Variants in GRIK2 observed in about 807,000 individuals in gnomAD.
GRIK2 encodes the protein glutamate receptor ionotropic, kainate 2.
A neutral mutation model predicts 100.3 loss-of-function variants in GRIK2; 32 were observed. That is an observed-to-expected ratio of 0.32 (90% CI 0.24 to 0.43). The LOEUF (loss-of-function observed/expected upper bound fraction) is 0.43, where lower values mean the gene tolerates loss of function less well. Among genes scored for constraint, GRIK2 ranks in the 20% least tolerant of loss-of-function variants. GRIK2 has a pLI of 1.00. For synonymous variants in GRIK2, 417 were observed against 389.4 expected (o/e 1.07, Z -0.83); for missense variants, 843 against 1,114.9 (o/e 0.76, Z 3.47).
At chr6:102,044,088 AT>A (rs1432596596) in intron 15 of GRIK2, among the ~76,000 whole-genome samples, 5 of 152,020 alleles carry the variant, frequency 3.3e-5, no homozygotes, top group Admixed American at 2.6e-4. Context: ...AAAGACCTTA[AT>A]TTTATAGAAG....
intron 2 of GRIK2, among the ~76,000 whole-genome samples, chr6:101,540,276 G>A (rs1162844599): frequency 6.6e-6 from 1 of 151,744 alleles, no homozygotes; most frequent in Non-Finnish European, 1.5e-5. Flanking sequence ...GTAGGACATG[G>A]CAAAGAACAT....
Position 102,044,384 on chromosome 6 carries a change from C to A in GRIK2, c.2311+8818C>A, listed in dbSNP as rs569439778. Among the ~76,000 whole-genome samples, 6 of 152,110 alleles carry A rather than the reference C, an allele frequency of 3.9e-5. No homozygotes were observed. The South Asian group carries it at 8.3e-4, about 21-fold the overall frequency. On this transcript the variant is annotated intron_variant, in intron 15 of 16. Transcript: ENST00000369134. ...TAAGATTCCTGTATTAGTCTGTTTT[C>A]ATGCTGCTGATAAAGACATACCCAA...
At chr6:102,044,094 T>C (rs1036772585) in intron 15 of GRIK2, among the ~76,000 whole-genome samples, 2 of 151,970 alleles carry the variant, frequency 1.3e-5, no homozygotes, top group Non-Finnish European at 2.9e-5. Context: ...CTTAATTTTA[T>C]AGAAGTATAA....
chr6:101,505,790 A>C (rs554497551), intron 2 of GRIK2, among the ~76,000 whole-genome samples: 187 of 151,942 alleles, frequency 1.2e-3, no homozygotes, highest in Non-Finnish European at 2.2e-3. Context: ...AAAAAAAAAA[A>C]AACTAGAAAT....
intron 14 of GRIK2, among the ~76,000 whole-genome samples, chr6:101,942,550 G>A (rs1582583897): frequency 1.3e-5 from 2 of 152,172 alleles, no homozygotes; most frequent in East Asian, 1.9e-4. Flanking sequence ...CGTCTGAGAC[G>A]GAGATGATGA....
intron 10 of GRIK2, among the ~76,000 whole-genome samples, chr6:101,844,816 C>G (rs9498727): frequency 0.19 from 29,377 of 151,820 alleles, 4,648 homozygotes; most frequent in East Asian, 0.66. Context: ...TTTGTATTTT[C>G]TCTTTTATTT....
At chr6:101,552,597 A>G (rs1211114809) in intron 2 of GRIK2, among the ~76,000 whole-genome samples, 1 of 152,192 alleles carries the variant, frequency 6.6e-6, no homozygotes, top group African/African-American at 2.4e-5. Context: ...ATGGCATTAT[A>G]TATGGGTGGG....
At chr6:101,795,396 TTCAGTCCTGAGGCCCAGTGGTGTTA>T (rs1780227038) in intron 7 of GRIK2, among the ~76,000 whole-genome samples, 1 of 152,142 alleles carries the variant, frequency 6.6e-6, no homozygotes, top group Non-Finnish European at 1.5e-5. Flanking sequence ...TGCCAGGTAG[TTCAGTCCTGAGGCCCAGTGGTGTTA>T]TCAGTGGGCT....
chr6:101,907,375 C>A (rs1295462391), intron 12 of GRIK2, among the ~76,000 whole-genome samples: 2 of 81,968 alleles, frequency 2.4e-5, no homozygotes, highest in East Asian at 7.2e-4. Context: ...GTTCTAGGCC[C>A]CTGTCTGATT....
intron 2 of GRIK2, among the ~76,000 whole-genome samples, chr6:101,500,675 A>G (rs898195988): frequency 1.3e-5 from 2 of 152,094 alleles, no homozygotes; most frequent in Non-Finnish European, 2.9e-5. Flanking sequence ...GAAAGTACAT[A>G]CTATAAAAGC....
intron 7 of GRIK2, among the ~76,000 whole-genome samples, chr6:101,724,972 T>C (rs1774757413): frequency 6.6e-6 from 1 of 152,050 alleles, no homozygotes; most frequent in Non-Finnish European, 1.5e-5. Context: ...TTTTTCACTT[T>C]ATTGCTCTCT....
At chr6:101,523,720 C>CTTTGTTTTTTTTTTTT (rs1775001572) in intron 2 of GRIK2, among the ~76,000 whole-genome samples, 1 of 121,546 alleles carries the variant, frequency 8.2e-6, no homozygotes, top group Non-Finnish European at 1.7e-5. Context: ...ACTCCTAAGT[C>CTTTGTTTTTTTTTTTT]TTTTTTTTTT....
chr6:101,682,451 T>A (rs1771343730), intron 5 of GRIK2, 102 bp from the exon 6 acceptor site: 2 of 696,820 alleles, frequency 2.9e-6, no homozygotes, highest in Non-Finnish European at 5.2e-6. Context: ...ATATTGTAGG[T>A]TGATTCTTTA....
intron 14 of GRIK2, among the ~76,000 whole-genome samples, chr6:101,992,184 C>T (rs1055050488): frequency 6.6e-6 from 1 of 151,436 alleles, no homozygotes; most frequent in Non-Finnish European, 1.5e-5. Flanking sequence ...TTGCAGAAAT[C>T]ATCTGTAAAC....
chr6:101,640,672 G>T (rs1249195455), intron 4 of GRIK2, among the ~76,000 whole-genome samples: 1 of 152,046 alleles, frequency 6.6e-6, no homozygotes, highest in Non-Finnish European at 1.5e-5. Context: ...CATTAGGAAG[G>T]CTTGATAAAA....
At chr6:101,985,542 T>C (rs1302377134) in intron 14 of GRIK2, among the ~76,000 whole-genome samples, 1 of 151,758 alleles carries the variant, frequency 6.6e-6, no homozygotes, top group Non-Finnish European at 1.5e-5. Context: ...TGGTATGCAT[T>C]GTGTGTAAGC....
At chr6:101,428,103 C>T (rs2246550) in intron 2 of GRIK2, among the ~76,000 whole-genome samples, 8,629 of 152,138 alleles carry the variant, frequency 0.057, 397 homozygotes, top group South Asian at 0.14. Context: ...CATTTTATCA[C>T]CTATGAACAA....
chr6:101,748,791 A>T (rs1418389986), intron 7 of GRIK2, among the ~76,000 whole-genome samples: 1 of 151,474 alleles, frequency 6.6e-6, no homozygotes, highest in African/African-American at 2.4e-5. Context: ...TTATGTTCTG[A>T]TTCATTATAC....
chr6:101,429,241 A>G (rs1007024082), intron 2 of GRIK2, among the ~76,000 whole-genome samples: 1 of 152,166 alleles, frequency 6.6e-6, no homozygotes, highest in African/African-American at 2.4e-5. Flanking sequence ...AAGGTCCTCA[A>G]TTTTGTAAAT....
Sources: allele counts gnomAD v4.1 joint callset (sites outside exome capture counted in the v4.1 genomes callset), GRCh38; gene constraint gnomAD v4.1.1; transcripts MANE v1.5; gene names NCBI Gene and HGNC (gene_info 2026-07-23, HGNC 2026-07-21).